SAMD4A: variants seen among roughly 807,000 people sequenced by gnomAD.
The protein encoded by SAMD4A is sterile alpha motif domain containing 4A.
In SAMD4A, 33 loss-of-function variants were observed where a neutral mutation model predicts 81.3. The observed-to-expected ratio is 0.41, with a 90% CI of 0.31 to 0.54. SAMD4A has a LOEUF of 0.54. Among genes scored for constraint, SAMD4A ranks in the 20% least tolerant of loss-of-function variants. The probability of loss-of-function intolerance (pLI) is 0.37; values close to 1 mark genes in which losing one functional copy is unlikely to be tolerated. For missense variants in SAMD4A, 854 were observed against 951.1 expected, an observed-to-expected ratio of 0.90 and a Z score of 1.34; for synonymous variants, 389 against 382.1, an observed-to-expected ratio of 1.02 and a Z score of -0.21.
At chr14:54,713,993 C>A (rs1423379245) in intron 3 of SAMD4A, among the ~76,000 whole-genome samples, 2 of 152,086 alleles carry the variant, frequency 1.3e-5, no homozygotes, top group Non-Finnish European at 2.9e-5. Context: ...TGACTTGATC[C>A]AGATAGGTAG....
At chr14:54,601,530 C>T (rs1393884212) in intron 2 of SAMD4A, among the ~76,000 whole-genome samples, 1 of 152,156 alleles carries the variant, frequency 6.6e-6, no homozygotes. Flanking sequence ...GAATGAGTCT[C>T]AACAGAAACC....
At chr14:54,775,981 C>T (rs1158401052) in intron 10 of SAMD4A, among the ~76,000 whole-genome samples, 1 of 143,628 alleles carries the variant, frequency 7.0e-6, no homozygotes, top group Non-Finnish European at 1.5e-5. Context: ...TTTCTTTTCT[C>T]TCCCCCTCGC....
Position 54,600,215 on chromosome 14 carries a change from C to T in SAMD4A, c.196+32103C>T, listed in dbSNP as rs191544258. On this transcript the variant is annotated intron_variant, in intron 2 of 12. Transcript: ENST00000554335. ...ACATGCCTGGTTCTGCCAGAGCAAACGAAAACCAGGCACCTTCTCCTGAGC... is the reference window on the plus strand; with the variant it reads ...ACATGCCTGGTTCTGCCAGAGCAAATGAAAACCAGGCACCTTCTCCTGAGC... Among the ~76,000 whole-genome samples the T allele has an allele frequency of 3.0e-3, 459 of 152,274 alleles. 5 individuals are homozygous for T. The highest frequency in any genetic ancestry group is 0.01 in the African/African-American group (434 of 41,544).
rs553218653 is a variant in SAMD4A at position 54,759,032 on chromosome 14, C to A, written c.1177-1129C>A. On this transcript the variant is annotated intron_variant, in intron 6 of 12. Coordinates refer to ENST00000554335, the MANE Select transcript of SAMD4A (RefSeq NM_015589.6). ...TGTTTGGGCCTCTGTGAGCATCTGG[C>A]ATAGAGAAAAATATCTATCAGAATC... Among the ~76,000 whole-genome samples the A allele has an allele frequency of 1.8e-4, 28 of 152,240 alleles. 1 individual carries two copies. Among genetic ancestry groups the A allele is most frequent in the Admixed American group, 1.6e-3 (25 of 15,296 alleles).
At chr14:54,667,183 G>A (rs2035775678) in intron 2 of SAMD4A, among the ~76,000 whole-genome samples, 1 of 152,156 alleles carries the variant, frequency 6.6e-6, no homozygotes, top group Non-Finnish European at 1.5e-5. Context: ...GGGGAAAACA[G>A]CCCTAAGAGA....
At chr14:54,742,628 T>TACAACACAGGG (rs1292792403) in intron 4 of SAMD4A, among the ~76,000 whole-genome samples, 1 of 152,198 alleles carries the variant, frequency 6.6e-6, no homozygotes, top group Non-Finnish European at 1.5e-5. Context: ...CTTGCCTGTG[T>TACAACACAGGG]GAAGAGGGGT....
At chr14:54,664,915 A>C (rs2035725172) in intron 2 of SAMD4A, among the ~76,000 whole-genome samples, 1 of 152,170 alleles carries the variant, frequency 6.6e-6, no homozygotes, top group Admixed American at 6.5e-5. Flanking sequence ...TCAGGAAAAC[A>C]CTTATTTCTC....
chr14:54,778,267 A>G (rs1178398582), intron 11 of SAMD4A, among the ~76,000 whole-genome samples: 1 of 152,202 alleles, frequency 6.6e-6, no homozygotes, highest in Non-Finnish European at 1.5e-5. Context: ...CTAGGTCCAG[A>G]CAGTCCCCTT....
At chr14:54,773,259 G>T in intron 9 of SAMD4A, among the ~76,000 whole-genome samples, 1 of 152,078 alleles carries the variant, frequency 6.6e-6, no homozygotes, top group East Asian at 1.9e-4. Flanking sequence ...CTACATACAG[G>T]CACAGCTCTC....
chr14:54,742,753 C>A (rs527341969), intron 4 of SAMD4A, among the ~76,000 whole-genome samples: 28 of 152,234 alleles, frequency 1.8e-4, no homozygotes, highest in Admixed American at 9.2e-4. Context: ...ATGTAGAAGT[C>A]ATTGAAACTG....
intron 8 of SAMD4A, among the ~76,000 whole-genome samples, chr14:54,768,750 CAT>C (rs2038625553): frequency 6.6e-6 from 1 of 152,214 alleles, no homozygotes; most frequent in Admixed American, 6.5e-5. Context: ...CACCTTGATG[CAT>C]ATTCTTAATG....
chr14:54,648,422 C>G (rs1189338839), intron 2 of SAMD4A, among the ~76,000 whole-genome samples: 2 of 152,214 alleles, frequency 1.3e-5, no homozygotes, highest in African/African-American at 4.8e-5. Flanking sequence ...GATGGGGGAA[C>G]AGCTCCTTTT....
At chr14:54,747,539 C>T (rs1394442907) in intron 4 of SAMD4A, among the ~76,000 whole-genome samples, 1 of 152,178 alleles carries the variant, frequency 6.6e-6, no homozygotes, top group Non-Finnish European at 1.5e-5. Context: ...GTCAGTGCCT[C>T]AGAATAAAGC....
chr14:54,624,054 C>CA (rs2140311452), intron 2 of SAMD4A, among the ~76,000 whole-genome samples: 1 of 152,288 alleles, frequency 6.6e-6, no homozygotes, highest in East Asian at 1.9e-4. Context: ...TGGCTCACTG[C>CA]AAACTCCGCC....
At chr14:54,609,543 A>C (rs1022669973) in intron 2 of SAMD4A, among the ~76,000 whole-genome samples, 5 of 152,238 alleles carry the variant, frequency 3.3e-5, no homozygotes, top group Non-Finnish European at 5.9e-5. Flanking sequence ...CCTGCTCCTG[A>C]TGGTCACCTT....
At chr14:54,678,470 T>TAGGTCAG (rs1335793100) in intron 2 of SAMD4A, among the ~76,000 whole-genome samples, 2 of 73,980 alleles carry the variant, frequency 2.7e-5, no homozygotes, top group Non-Finnish European at 3.8e-5. Flanking sequence ...TGTGTGTGTG[T>TAGGTCAG]GTGTGTGTGT....
At chr14:54,752,646 A>G (rs369347148) in intron 6 of SAMD4A, among the ~76,000 whole-genome samples, 2 of 152,156 alleles carry the variant, frequency 1.3e-5, no homozygotes, top group Admixed American at 6.5e-5. Flanking sequence ...GGTATTTCTA[A>G]TCGGGCAGGA....
chr14:54,785,378 G>A (rs573181861), intron 12 of SAMD4A, among the ~76,000 whole-genome samples: 1 of 152,252 alleles, frequency 6.6e-6, no homozygotes, highest in Non-Finnish European at 1.5e-5. Context: ...TACTAAGCGG[G>A]CACCTTTCTC....
chr14:54,767,562 G>A (rs1379085646), intron 8 of SAMD4A, among the ~76,000 whole-genome samples: 1 of 152,230 alleles, frequency 6.6e-6, no homozygotes, highest in South Asian at 2.1e-4. Context: ...CATATGCTGG[G>A]ACACCATAGC....
Sources: allele counts gnomAD v4.1 joint callset (sites outside exome capture counted in the v4.1 genomes callset), GRCh38; gene constraint gnomAD v4.1.1; transcripts MANE v1.5; gene names NCBI Gene and HGNC (gene_info 2026-07-23, HGNC 2026-07-21).